The following SYNPR variants were observed in gnomAD, a reference collection of about 807,000 sequenced individuals.
The protein encoded by SYNPR is synaptoporin.
SYNPR carries 23 observed loss-of-function variants against 32.9 expected under a neutral mutation model. That is an observed-to-expected ratio of 0.70 (90% CI 0.50 to 0.99). The LOEUF (loss-of-function observed/expected upper bound fraction) is 0.99. Among genes scored for constraint, SYNPR ranks in the 50% least tolerant of loss-of-function variants. The pLI is 0.00. For synonymous variants in SYNPR, 146 were observed against 135.9 expected, an observed-to-expected ratio of 1.07 and a Z score of -0.52; for missense variants, 318 against 349.3, an observed-to-expected ratio of 0.91 and a Z score of 0.71.
intron 2 of SYNPR, among the ~76,000 whole-genome samples, chr3:63,420,665 G>T (rs529161528): frequency 2.0e-5 from 3 of 151,904 alleles, no homozygotes; most frequent in Non-Finnish European, 2.9e-5. Context: ...AGTAATAAAA[G>T]CAAATGTTAT....
chr3:63,224,211 G>A (rs564085370), upstream of SYNPR, among the ~76,000 whole-genome samples: 1 of 152,306 alleles, frequency 6.6e-6, no homozygotes, highest in African/African-American at 2.4e-5. Flanking sequence ...CCTCCTGTCA[G>A]ATCAGCTGCA....
intron 2 of SYNPR, among the ~76,000 whole-genome samples, chr3:63,432,896 T>C (rs1700019022): frequency 6.6e-6 from 1 of 152,190 alleles, no homozygotes; most frequent in African/African-American, 2.4e-5. Context: ...AAGTTCCCTG[T>C]GGGAAAAGGG....
chr3:63,222,431 T>C, the SYNPR span, among the ~76,000 whole-genome samples: 2 of 152,190 alleles, frequency 1.3e-5, no homozygotes, highest in Non-Finnish European at 2.9e-5. Flanking sequence ...GATTTCTCAC[T>C]CAAAGTGTAA....
intron 4 of SYNPR, among the ~76,000 whole-genome samples, chr3:63,562,368 T>A (rs1253824099): frequency 6.6e-6 from 1 of 152,232 alleles, no homozygotes; most frequent in African/African-American, 2.4e-5. Context: ...TTTCAGTGAA[T>A]CTGTATTGCA....
intron 2 of SYNPR, among the ~76,000 whole-genome samples, chr3:63,406,383 G>A (rs1224472301): frequency 6.6e-6 from 1 of 151,916 alleles, no homozygotes; most frequent in Non-Finnish European, 1.5e-5. Context: ...TTCAGTACAT[G>A]CTTTATTTTT....
rs150697843 is a variant in SYNPR at position 63,595,608 on chromosome 3, T to C, written c.409-13517T>C. Among the ~76,000 whole-genome samples, 79 of 149,096 alleles carry C rather than the reference T, an allele frequency of 5.3e-4. No individual in the cohort carries two copies. The East Asian group carries it at 0.013, about 25-fold the overall frequency. ...ATAAAATACAAACAGTAGTAATATCTGCTTCATAGAGTTGTTGTAAAGTAA... is the reference window on the plus strand; with the variant it reads ...ATAAAATACAAACAGTAGTAATATCCGCTTCATAGAGTTGTTGTAAAGTAA... On this transcript the variant is annotated intron_variant, in intron 4 of 5. Coordinates refer to ENST00000478300, the MANE Select transcript of SYNPR (RefSeq NM_001130003.2).
At chr3:63,432,570 T>C (rs750309392) in intron 2 of SYNPR, among the ~76,000 whole-genome samples, 6 of 152,226 alleles carry the variant, frequency 3.9e-5, no homozygotes, top group African/African-American at 9.6e-5. Flanking sequence ...CATTTCAACA[T>C]TGTCATTGCT....
At chr3:63,580,602 A>G (rs1390639033) in intron 4 of SYNPR, among the ~76,000 whole-genome samples, 1 of 152,136 alleles carries the variant, frequency 6.6e-6, no homozygotes, top group Non-Finnish European at 1.5e-5. Flanking sequence ...AGATACAGAT[A>G]CAGTTCCCAG....
intron 4 of SYNPR, among the ~76,000 whole-genome samples, chr3:63,568,247 T>C (rs1270628904): frequency 6.6e-6 from 1 of 152,216 alleles, no homozygotes; most frequent in Non-Finnish European, 1.5e-5. Flanking sequence ...TTTACAGATG[T>C]TGAATCCAAT....
intron 2 of SYNPR, among the ~76,000 whole-genome samples, chr3:63,419,958 T>C (rs531432540): frequency 7.9e-5 from 12 of 152,366 alleles, no homozygotes; most frequent in African/African-American, 2.9e-4. Flanking sequence ...GAAATAGCTA[T>C]GATGGTTTGC....
At chr3:63,561,697 T>C (rs938752917) in intron 4 of SYNPR, among the ~76,000 whole-genome samples, 1 of 152,180 alleles carries the variant, frequency 6.6e-6, no homozygotes, top group African/African-American at 2.4e-5. Context: ...TGCTTCTAAG[T>C]GCCATTTATC....
chr3:63,550,488 A>AT (rs11441487), intron 3 of SYNPR, among the ~76,000 whole-genome samples: 36,782 of 151,534 alleles, frequency 0.24, 4,873 homozygotes, highest in African/African-American at 0.35. Flanking sequence ...TCTTTTAGTA[A>AT]TTTTTTTTGT....
At chr3:63,272,564 C>G (rs1183202240) in intron 3 of SYNPR, among the ~76,000 whole-genome samples, 1 of 147,646 alleles carries the variant, frequency 6.8e-6, no homozygotes, top group Non-Finnish European at 1.5e-5. Context: ...GGTCTTAAAG[C>G]TTGAAAGTAA....
intron 3 of SYNPR, among the ~76,000 whole-genome samples, chr3:63,498,550 G>A (rs1357212172): frequency 6.6e-6 from 1 of 152,128 alleles, no homozygotes; most frequent in Admixed American, 6.6e-5. Flanking sequence ...TTTATGAGGA[G>A]ACATTGAGCA....
chr3:63,300,347 A>G (rs574963469), intron 2 of SYNPR, among the ~76,000 whole-genome samples: 39 of 151,912 alleles, frequency 2.6e-4, no homozygotes, highest in Non-Finnish European at 5.3e-4. Flanking sequence ...CTATCTATCT[A>G]TCTATCTACC....
intron 2 of SYNPR, among the ~76,000 whole-genome samples, chr3:63,464,539 C>G (rs1700643528): frequency 6.6e-6 from 1 of 152,092 alleles, no homozygotes; most frequent in South Asian, 2.1e-4. Context: ...GCATAAGACC[C>G]TCAATTTCCC....
At chr3:63,526,428 T>C (rs1360748723) in intron 3 of SYNPR, among the ~76,000 whole-genome samples, 1 of 152,216 alleles carries the variant, frequency 6.6e-6, no homozygotes, top group Admixed American at 6.5e-5. Flanking sequence ...TGGGATCATT[T>C]CCCTCTTATT....
intron 2 of SYNPR, among the ~76,000 whole-genome samples, chr3:63,446,135 A>T (rs898889805): frequency 2.0e-5 from 3 of 152,186 alleles, no homozygotes; most frequent in African/African-American, 7.2e-5. Context: ...CATAGTCAAA[A>T]TAAAGATGCG....
At chr3:63,214,321 G>C in the SYNPR span, among the ~76,000 whole-genome samples, 1 of 38,758 alleles carries the variant, frequency 2.6e-5, no homozygotes, top group Non-Finnish European at 6.1e-5. Flanking sequence ...GAATTCGGCT[G>C]TGAATCCATC....
Sources: allele counts gnomAD v4.1 joint callset (sites outside exome capture counted in the v4.1 genomes callset), GRCh38; gene constraint gnomAD v4.1.1; transcripts MANE v1.5; gene names NCBI Gene and HGNC (gene_info 2026-07-23, HGNC 2026-07-21).